STRA6: variants seen among roughly 807,000 people sequenced by gnomAD.
STRA6 encodes the protein signaling receptor and transporter of retinol STRA6.
In STRA6, 48 loss-of-function variants were observed where a neutral mutation model predicts 83.6. The ratio of observed to expected loss-of-function variants is 0.57; its 90% CI spans 0.46 to 0.73. The LOEUF is 0.73. STRA6 is among the 30% of genes least tolerant of loss of function. STRA6 has a pLI of 0.00. For synonymous variants in STRA6, 353 were observed against 362.3 expected (o/e 0.97, Z 0.29); for missense variants, 760 against 838.8 (o/e 0.91, Z 1.16).
chr15:74,181,413 C>T lies in STRA6; in HGVS notation c.1566G>A (p.Val522=), dbSNP rs886051474. The change falls in exon 17 of 19, where the codon GTG becomes GTA. Residue 522 remains valine (V), a synonymous_variant. Coordinates refer to ENST00000395105, the MANE Select transcript of STRA6 (RefSeq NM_022369.4). ...AATFLLFPLN[V]LVGAMVATWR... ...AGGTGGCCACCATGGCACCCACCAG[C>T]ACATTGAGGGGGAAGAGAAGAAAGG... 4.3e-6 allele frequency: 7 copies of T among 1,613,398 alleles called. No individual in the cohort carries two copies. Among genetic ancestry groups the T allele is most frequent in the African/African-American group, 1.3e-5 (1 of 74,828 alleles).
upstream of STRA6, chr15:74,209,738 AG>A: frequency 2.5e-6 from 1 of 393,130 alleles, no homozygotes; most frequent in Non-Finnish European, 4.5e-6. Flanking sequence ...CCCTTCCTAG[AG>A]GGGGTATCCT....
chr15:74,191,526 T>C (rs1206651867), intron 8 of STRA6, 35 bp from the exon 9 acceptor site: 2 of 1,596,150 alleles, frequency 1.3e-6, no homozygotes, highest in African/African-American at 1.3e-5. Flanking sequence ...GCAGATGAGA[T>C]CTGCCTCGAC....
chr15:74,197,138 C>T (rs946475921), intron 4 of STRA6, among the ~76,000 whole-genome samples, 200 bp downstream of exon 4: 10 of 152,106 alleles, frequency 6.6e-5, no homozygotes, highest in Admixed American at 3.3e-4. Context: ...CGGGCTTGAG[C>T]GAGTCCCTCC....
intron 16 of STRA6, among the ~76,000 whole-genome samples, chr15:74,181,775 TC>T: frequency 6.6e-6 from 1 of 152,074 alleles, no homozygotes; most frequent in South Asian, 2.1e-4. Flanking sequence ...CTTTTCTGGG[TC>T]CCCTGTCTGC....
chr15:74,210,569 G>T (rs1306160159), upstream of STRA6, among the ~76,000 whole-genome samples: 2 of 152,338 alleles, frequency 1.3e-5, no homozygotes, highest in South Asian at 2.1e-4. Context: ...TGGGGGAGGG[G>T]TGAATTTTGG....
At chr15:74,192,887 C>T (rs1419960626) in intron 8 of STRA6, among the ~76,000 whole-genome samples, 1 of 152,200 alleles carries the variant, frequency 6.6e-6, no homozygotes, top group Non-Finnish European at 1.5e-5. Flanking sequence ...GCAGGTTTCA[C>T]ATTGCACTGC....
chr15:74,195,232 G>A, intron 7 of STRA6, 70 bp downstream of exon 7: 3 of 1,583,110 alleles, frequency 1.9e-6, no homozygotes, highest in Admixed American at 3.5e-5. Flanking sequence ...AGAGCTCAAA[G>A]GAGGCACTGT....
At chr15:74,185,698 C>T (rs969648353) in intron 12 of STRA6, among the ~76,000 whole-genome samples, 2 of 152,248 alleles carry the variant, frequency 1.3e-5, no homozygotes, top group Admixed American at 1.3e-4. Context: ...GGGGTGCAGG[C>T]TGCAACTCTC....
rs192069822 is a variant in STRA6 at position 74,193,186 on chromosome 15, C to T, written c.720+614G>A. Among the ~76,000 whole-genome samples, 4 of 152,280 alleles carry T rather than the reference C, an allele frequency of 2.6e-5. No homozygotes were observed. In the East Asian group the frequency reaches 7.7e-4, roughly 29 times the overall value. ...GCTGAGTATCTATTAAGGGCCAAGA[C>T]CCACCCAGTGCTGCAAATATAATGA... is the stretch of plus-strand genomic sequence containing the variant. On this transcript the variant is annotated intron_variant, in intron 8 of 18. Transcript: ENST00000395105.
At chr15:74,193,494 C>T (rs929644316) in intron 8 of STRA6, among the ~76,000 whole-genome samples, 3 of 152,206 alleles carry the variant, frequency 2.0e-5, no homozygotes, top group African/African-American at 4.8e-5. Context: ...GCTGTCTCTC[C>T]AGCCAGATCT....
upstream of STRA6, chr15:74,209,244 G>A (rs1196488158): frequency 4.8e-5 from 56 of 1,155,648 alleles, no homozygotes; most frequent in Admixed American, 6.2e-5. Context: ...CCGTTTGCTC[G>A]AAACTTGATC....
In STRA6 at chr15:74,180,805, A is replaced by C. The variant is rs765242612; in HGVS notation, c.1817T>G (p.Leu606Arg). 22 of 1,611,998 alleles carry C rather than the reference A, an allele frequency of 1.4e-5. No homozygotes were observed. The South Asian group carries it at 2.3e-4, about 17-fold the overall frequency. ...PRTMAAPQDS[L>R]RPGEEDEGMQ... Reference sequence around the variant, plus strand: ...ACCTTCGTCTTCCTCCCCTGGTCTGAGGCTGTCCTGGGGGGCTGCCATGGT... The same window carrying C: ...ACCTTCGTCTTCCTCCCCTGGTCTGCGGCTGTCCTGGGGGGCTGCCATGGT... Residue 606 changes from leucine (L) to arginine (R), a missense_variant, in exon 18 of 19, where the codon CTC (leucine) becomes CGC (arginine). Coordinates refer to ENST00000395105, the MANE Select transcript of STRA6 (RefSeq NM_022369.4).
At position 74,185,030 on chromosome 15, in the gene STRA6, C is replaced by T. The variant is rs928072123; in HGVS notation, c.1116G>A (p.Leu372=). 6.2e-6 allele frequency: 10 copies of T among 1,614,052 alleles called. No homozygotes were observed. Among genetic ancestry groups the T allele is most frequent in the Non-Finnish European group, 8.5e-6 (10 of 1,179,994 alleles). Residue 372 remains leucine (L), a synonymous_variant, in exon 13 of 19, where the codon TTG becomes TTA. Transcript: ENST00000395105. ...GGACCAGGAAGGTGAGTAAGCAGGA[C>T]AAGACCAAGGCTGAGATGTAGCACA... ...LEVCYISALV[L]SCLLTFLVLM...
chr15:74,205,815 C>G (rs2074248238), upstream of STRA6, among the ~76,000 whole-genome samples: 1 of 152,184 alleles, frequency 6.6e-6, no homozygotes, highest in African/African-American at 2.4e-5. Flanking sequence ...CAGAGGCCAC[C>G]AAGGGAGGCC....
intron 14 of STRA6, 79 bp from the exon 15 acceptor site, chr15:74,182,539 G>A (rs909664557): frequency 1.4e-5 from 17 of 1,246,988 alleles, no homozygotes; most frequent in Non-Finnish European, 1.9e-5. Flanking sequence ...CCAGAACCAA[G>A]GGCTTTGGGA....
intron 12 of STRA6, among the ~76,000 whole-genome samples, chr15:74,187,532 C>T (rs943581797): frequency 4.6e-5 from 7 of 151,926 alleles, no homozygotes; most frequent in Admixed American, 1.3e-4. Context: ...CTGACTCAGT[C>T]TGAGCTCTCT....
intron 14 of STRA6, chr15:74,183,602 C>T (rs768544129): frequency 1.5e-5 from 20 of 1,348,444 alleles, no homozygotes; most frequent in Admixed American, 1.2e-4. Flanking sequence ...CATGTGAATA[C>T]TTGGTGGCAC....
upstream of STRA6, chr15:74,203,127 G>C (rs538272311): frequency 1.0e-6 from 1 of 985,604 alleles, no homozygotes; most frequent in South Asian, 4.7e-5. Context: ...GCTGGGCTGG[G>C]GCGGAGGCAG....
chr15:74,202,677 T>C (rs2074134422), intron 1 of STRA6, 36 bp downstream of exon 1: 1 of 1,380,878 alleles, frequency 7.2e-7, no homozygotes, highest in Non-Finnish European at 9.3e-7. Context: ...TTCCTTCCCC[T>C]TTCCCAAGCC....
Sources: gnomAD v4.1 joint callset for allele counts (sites outside exome capture counted in the v4.1 genomes callset) on GRCh38, gnomAD v4.1.1 for gene constraint, MANE v1.5 for transcripts, NCBI Gene and HGNC (gene_info 2026-07-23, HGNC 2026-07-21) for gene names.